The following PCDH9 variants were observed in gnomAD, a reference collection of about 807,000 sequenced individuals.
PCDH9 encodes protocadherin-9.
A neutral mutation model predicts 70.6 loss-of-function variants in PCDH9; 24 were observed. The observed-to-expected ratio is 0.34, with a 90% confidence interval of 0.25 to 0.48. The LOEUF (loss-of-function observed/expected upper bound fraction) is 0.48, where lower values mean the gene tolerates loss of function less well. PCDH9 is among the 20% of genes least tolerant of loss of function. The pLI is 0.99. For missense variants in PCDH9, 1,281 were observed against 1,503.6 expected (o/e 0.85, Z 2.45); for synonymous variants, 562 against 558.5 (o/e 1.01, Z -0.09).
At chr13:66,785,028 C>G (rs1039464315) in intron 3 of PCDH9, among the ~76,000 whole-genome samples, 1 of 151,872 alleles carries the variant, frequency 6.6e-6, no homozygotes, top group Non-Finnish European at 1.5e-5. Context: ...AGTTATAAAC[C>G]TAACACATGT....
chr13:66,307,465 A>C (rs1955487389), intron 4 of PCDH9, among the ~76,000 whole-genome samples: 1 of 152,126 alleles, frequency 6.6e-6, no homozygotes, highest in Non-Finnish European at 1.5e-5. Context: ...CCTCAACAGC[A>C]AATTCCTTTG....
At chr13:66,728,928 C>T (rs886714479) in intron 3 of PCDH9, among the ~76,000 whole-genome samples, 1 of 151,990 alleles carries the variant, frequency 6.6e-6, no homozygotes, top group Non-Finnish European at 1.5e-5. Context: ...TTTATTCTTT[C>T]ACATAGTTTC....
At chr13:67,145,607 A>T (rs1031950315) in intron 2 of PCDH9, among the ~76,000 whole-genome samples, 1 of 151,596 alleles carries the variant, frequency 6.6e-6, no homozygotes, top group Non-Finnish European at 1.5e-5. Context: ...ATACAAAAAA[A>T]CCCATCTTTT....
At chr13:66,693,184 T>A (rs1478170681) in intron 3 of PCDH9, among the ~76,000 whole-genome samples, 1 of 152,120 alleles carries the variant, frequency 6.6e-6, no homozygotes, top group Non-Finnish European at 1.5e-5. Flanking sequence ...GTTCTTCATC[T>A]ACAATTGGAA....
At chr13:66,617,387 A>G (rs992252012) in intron 4 of PCDH9, among the ~76,000 whole-genome samples, 4 of 152,150 alleles carry the variant, frequency 2.6e-5, no homozygotes, top group Non-Finnish European at 4.4e-5. Flanking sequence ...CCTCTTCCGA[A>G]TGCATCCTAA....
At chr13:66,820,979 C>A (rs1168393356) in intron 3 of PCDH9, among the ~76,000 whole-genome samples, 2 of 151,952 alleles carry the variant, frequency 1.3e-5, no homozygotes, top group Non-Finnish European at 2.9e-5. Flanking sequence ...CTCATGTTCC[C>A]CTGAACTTAA....
At chr13:67,182,845 A>G (rs958177683) in intron 2 of PCDH9, among the ~76,000 whole-genome samples, 3 of 152,132 alleles carry the variant, frequency 2.0e-5, no homozygotes, top group Non-Finnish European at 4.4e-5. Context: ...TCATTATGCC[A>G]TAAATTCTTC....
At chr13:66,737,318 T>C (rs753532350) in intron 3 of PCDH9, among the ~76,000 whole-genome samples, 1 of 152,210 alleles carries the variant, frequency 6.6e-6, no homozygotes. Context: ...GTGCAGTTTT[T>C]CAGCCCTTAG....
chr13:66,696,700 C>A (rs1467442255), intron 3 of PCDH9, among the ~76,000 whole-genome samples: 1 of 151,832 alleles, frequency 6.6e-6, no homozygotes, highest in East Asian at 1.9e-4. Context: ...CAACATTTTA[C>A]CACTAATTTG....
intron 3 of PCDH9, among the ~76,000 whole-genome samples, chr13:66,654,943 C>T (rs901545311): frequency 6.6e-6 from 1 of 151,870 alleles, no homozygotes; most frequent in African/African-American, 2.4e-5. Context: ...CCAGGCTGGT[C>T]CCTAACTCCT....
At chr13:66,783,613 T>C (rs1328252789) in intron 3 of PCDH9, among the ~76,000 whole-genome samples, 4 of 152,290 alleles carry the variant, frequency 2.6e-5, no homozygotes, top group African/African-American at 9.6e-5. Context: ...GTTATTATTT[T>C]AAGTAATTCA....
chr13:66,986,537 A>AT (rs1268409348), intron 2 of PCDH9, among the ~76,000 whole-genome samples: 6 of 152,050 alleles, frequency 3.9e-5, no homozygotes, highest in Admixed American at 3.9e-4. Context: ...ATTAGAAATA[A>AT]GCAAAGTCCA....
intron 2 of PCDH9, among the ~76,000 whole-genome samples, chr13:67,067,620 T>C (rs2085675304): frequency 6.6e-6 from 1 of 151,446 alleles, no homozygotes; most frequent in Non-Finnish European, 1.5e-5. Context: ...TTAAAAAGTT[T>C]TTAAAAAATC....
intron 3 of PCDH9, among the ~76,000 whole-genome samples, chr13:66,720,756 T>C (rs2078932017): frequency 6.6e-6 from 1 of 152,080 alleles, no homozygotes; most frequent in African/African-American, 2.4e-5. Context: ...CTCAAAGCAG[T>C]AAGTAAAATT....
intron 2 of PCDH9, among the ~76,000 whole-genome samples, chr13:67,185,038 T>TA (rs1347451698): frequency 1.3e-5 from 2 of 152,180 alleles, no homozygotes; most frequent in African/African-American, 4.8e-5. Context: ...ATGTAACTCC[T>TA]ATACCTAGCA....
At chr13:66,993,443 G>A (rs1399239342) in intron 2 of PCDH9, among the ~76,000 whole-genome samples, 3 of 152,234 alleles carry the variant, frequency 2.0e-5, no homozygotes, top group Non-Finnish European at 2.9e-5. Context: ...AAGAACTTGG[G>A]TAGCTTCTCT....
chr13:67,009,913 T>G (rs954757621), intron 2 of PCDH9, among the ~76,000 whole-genome samples: 7 of 152,012 alleles, frequency 4.6e-5, no homozygotes, highest in African/African-American at 1.7e-4. Flanking sequence ...AATAAAGAAA[T>G]GTCCTACCAG....
intron 2 of PCDH9, among the ~76,000 whole-genome samples, chr13:67,006,109 C>T (rs1258531878): frequency 6.6e-6 from 1 of 152,134 alleles, no homozygotes; most frequent in Non-Finnish European, 1.5e-5. Context: ...CACCTGTAGT[C>T]CCAGCTACTC....
intron 3 of PCDH9, among the ~76,000 whole-genome samples, chr13:66,667,662 T>C (rs906207858): frequency 1.3e-5 from 2 of 152,174 alleles, no homozygotes; most frequent in African/African-American, 4.8e-5. Flanking sequence ...AATTGGCATA[T>C]TTGAACTTGA....
Sources: gnomAD v4.1 joint callset for allele counts (sites outside exome capture counted in the v4.1 genomes callset) on GRCh38, gnomAD v4.1.1 for gene constraint, MANE v1.5 for transcripts, NCBI Gene and HGNC (gene_info 2026-07-23, HGNC 2026-07-21) for gene names.